PCDH7: variants seen among roughly 807,000 people sequenced by gnomAD.
PCDH7 encodes the protein protocadherin 7.
In PCDH7, 17 loss-of-function variants were observed where a neutral mutation model predicts 58.9. That is an observed-to-expected ratio of 0.29 (90% CI 0.20 to 0.43). The LOEUF (loss-of-function observed/expected upper bound fraction) is 0.43. Ranked by LOEUF, PCDH7 falls within the 20% of genes least tolerant of loss-of-function variation. PCDH7 has a pLI of 1.00. For missense variants in PCDH7, 1,274 were observed against 1,441.0 expected (o/e 0.88, Z 1.88); for synonymous variants, 664 against 616.4 (o/e 1.08, Z -1.14).
chr4:31,046,395 A>G (rs1018782068), intron 3 of PCDH7, among the ~76,000 whole-genome samples: 7 of 152,102 alleles, frequency 4.6e-5, no homozygotes, highest in Middle Eastern at 3.4e-3. Flanking sequence ...TTGGGTTATT[A>G]AGAAGATTAT....
In PCDH7 at chr4:30,722,764, T is replaced by A; in HGVS notation, c.1342T>A (p.Ser448Thr). The change falls in exon 1 of 2, where the codon TCC (serine) becomes ACC (threonine). Residue 448 changes from serine (S) to threonine (T), a missense_variant. Physicochemically the swap from Ser to Thr is moderately conservative, Grantham distance 58. Coordinates refer to ENST00000361762, the Ensembl canonical transcript of PCDH7. The surrounding 1 kb of genome is among the most constrained non-coding windows in gnomAD (Gnocchi z 7.6). ...CACCCCCATCGCTCTGGTGCAGGTG[T>A]CCGACCGAGACCAAGGCGAGAACGG... 4 of 1,613,470 alleles carry A rather than the reference T, an allele frequency of 2.5e-6. No individual in the cohort carries two copies. Among genetic ancestry groups the A allele is most frequent in the Non-Finnish European group, 3.4e-6 (4 of 1,180,008 alleles).
At chr4:30,822,799 T>C (rs1728543887) in intron 1 of PCDH7, among the ~76,000 whole-genome samples, 2 of 152,164 alleles carry the variant, frequency 1.3e-5, no homozygotes, top group South Asian at 4.1e-4. Context: ...CTCTGTTTTC[T>C]AAAGAACCCA....
At chr4:30,901,449 A>T (rs926833838) in intron 1 of PCDH7, among the ~76,000 whole-genome samples, 2 of 152,176 alleles carry the variant, frequency 1.3e-5, no homozygotes, top group Non-Finnish European at 2.9e-5. Flanking sequence ...AACCTTGCTG[A>T]CATAGATACT....
chr4:31,097,512 G>GAAAC, intron 3 of PCDH7, among the ~76,000 whole-genome samples: 1 of 118,262 alleles, frequency 8.5e-6, no homozygotes, highest in Non-Finnish European at 1.7e-5. Context: ...AAGAAAGAGA[G>GAAAC]AAAGAAAGAA....
intron 2 of PCDH7, among the ~76,000 whole-genome samples, chr4:30,922,169 ATTAC>A (rs980080047): frequency 5.3e-5 from 8 of 151,514 alleles, no homozygotes; most frequent in Non-Finnish European, 7.4e-5. Flanking sequence ...AGTACATATA[ATTAC>A]TTATATGTAC....
intron 3 of PCDH7, among the ~76,000 whole-genome samples, chr4:31,071,477 T>A (rs774942553): frequency 6.6e-6 from 1 of 152,026 alleles, no homozygotes; most frequent in Non-Finnish European, 1.5e-5. Context: ...ACGTTGAACA[T>A]ATATTTGACA....
At chr4:30,908,253 A>G (rs902681423) in intron 1 of PCDH7, among the ~76,000 whole-genome samples, 2 of 151,438 alleles carry the variant, frequency 1.3e-5, no homozygotes, top group African/African-American at 2.4e-5. Flanking sequence ...TAAAAAAAAA[A>G]AAGAAGAAAA....
intron 1 of PCDH7, among the ~76,000 whole-genome samples, chr4:30,839,500 C>G (rs1730942178): frequency 6.6e-6 from 1 of 152,082 alleles, no homozygotes; most frequent in Non-Finnish European, 1.5e-5. Flanking sequence ...TTATTGGCAT[C>G]CTAGGCCCAT....
intron 3 of PCDH7, among the ~76,000 whole-genome samples, chr4:30,964,541 C>T (rs1347870924): frequency 6.6e-6 from 1 of 151,680 alleles, no homozygotes; most frequent in Non-Finnish European, 1.5e-5. Context: ...GCACCCGGCC[C>T]AGTAGTTTTA....
Position 30,723,624 on chromosome 4 carries a change from T to C in PCDH7, c.2202T>C (p.Asp734=), listed in dbSNP as rs746153779. Residue 734 remains aspartate, a synonymous_variant, in exon 1 of 2, where the codon GAT becomes GAC. Coordinates refer to ENST00000361762, the Ensembl canonical transcript of PCDH7. The surrounding 1 kb of genome is among the most constrained non-coding windows in gnomAD (Gnocchi z 4.6). ...CTACAGTCTCGCTTTTTGTGATGGA[T>C]GAAAATGACAATGCTCCCACAGTTA... is the stretch of plus-strand genomic sequence containing the variant. The C allele has an allele frequency of 6.2e-7, 1 of 1,614,136 alleles. No homozygotes were observed. The highest frequency in any genetic ancestry group is 1.1e-5 in the South Asian group (1 of 91,088).
At chr4:31,050,851 G>A (rs980898013) in intron 3 of PCDH7, among the ~76,000 whole-genome samples, 3 of 152,072 alleles carry the variant, frequency 2.0e-5, no homozygotes, top group African/African-American at 7.2e-5. Flanking sequence ...TATTGATTCT[G>A]TATTTTAGAG....
chr4:30,769,402 C>T (rs979639442), intron 1 of PCDH7, among the ~76,000 whole-genome samples: 2 of 152,208 alleles, frequency 1.3e-5, no homozygotes, highest in African/African-American at 4.8e-5. Context: ...GTATTCTTTC[C>T]TAGCTTTTTT....
intron 3 of PCDH7, among the ~76,000 whole-genome samples, chr4:30,972,546 A>T (rs1749683678): frequency 6.6e-6 from 1 of 152,210 alleles, no homozygotes; most frequent in African/African-American, 2.4e-5. Context: ...ACGGTCTTCC[A>T]GTGAGCATAA....
chr4:30,811,303 A>G (rs1053682751), intron 1 of PCDH7, among the ~76,000 whole-genome samples: 5 of 152,184 alleles, frequency 3.3e-5, no homozygotes, highest in African/African-American at 9.6e-5. Context: ...TTAGTTTATA[A>G]TTCTCTAGAT....
At chr4:31,097,583 TATAC>T in intron 3 of PCDH7, among the ~76,000 whole-genome samples, 1 of 90,050 alleles carries the variant, frequency 1.1e-5, no homozygotes, top group South Asian at 4.2e-4. Flanking sequence ...TTCCTCCAAA[TATAC>T]ATATATATAT....
intron 3 of PCDH7, among the ~76,000 whole-genome samples, chr4:31,108,492 T>G (rs1578818383): frequency 6.6e-6 from 1 of 150,680 alleles, no homozygotes; most frequent in Non-Finnish European, 1.5e-5. Flanking sequence ...AGTTAACTGC[T>G]AATTCGATGA....
intron 3 of PCDH7, among the ~76,000 whole-genome samples, chr4:31,013,097 G>A (rs1317935318): frequency 6.6e-6 from 1 of 150,384 alleles, no homozygotes; most frequent in Non-Finnish European, 1.5e-5. Context: ...TGAGGCAGGA[G>A]GATACTTTGA....
At chr4:30,843,958 A>G (rs1462349306) in intron 1 of PCDH7, among the ~76,000 whole-genome samples, 1 of 152,216 alleles carries the variant, frequency 6.6e-6, no homozygotes, top group African/African-American at 2.4e-5. Flanking sequence ...AAAAAAAGTC[A>G]TAGTAACAAG....
chr4:30,856,362 G>A (rs1004842219), intron 1 of PCDH7, among the ~76,000 whole-genome samples: 3 of 151,900 alleles, frequency 2.0e-5, no homozygotes, highest in Non-Finnish European at 4.4e-5. Context: ...GATATTGCTG[G>A]AACTAACTTT....
Sources: gnomAD v4.1 joint callset for allele counts (sites outside exome capture counted in the v4.1 genomes callset) on GRCh38, gnomAD v4.1.1 for gene constraint, Gnocchi (gnomAD v3.1) non-coding constraint, MANE v1.5 for transcripts, NCBI Gene and HGNC (gene_info 2026-07-23, HGNC 2026-07-21) for gene names.